Variants in KLF12 observed in about 807,000 individuals in gnomAD.
KLF12 encodes the protein Krueppel-like factor 12.
KLF12 carries 9 observed loss-of-function variants against 37.8 expected under a neutral mutation model. That is an observed-to-expected ratio of 0.24 (90% CI 0.14 to 0.42). The LOEUF is 0.42. Ranked by LOEUF, KLF12 falls within the 10% of genes least tolerant of loss-of-function variation. KLF12 has a pLI of 1.00. For synonymous variants in KLF12, 208 were observed against 202.1 expected, an observed-to-expected ratio of 1.03 and a Z score of -0.25; for missense variants, 411 against 516.0, an observed-to-expected ratio of 0.80 and a Z score of 1.97.
At chr13:73,880,243 C>A (rs1886912611) in intron 3 of KLF12, among the ~76,000 whole-genome samples, 2 of 152,162 alleles carry the variant, frequency 1.3e-5, no homozygotes, top group Non-Finnish European at 2.9e-5. Flanking sequence ...ACTTAGATAT[C>A]CCTGAAACAG....
chr13:73,745,343 G>A (rs1001287392), intron 6 of KLF12, among the ~76,000 whole-genome samples: 13 of 152,188 alleles, frequency 8.5e-5, no homozygotes, highest in Non-Finnish European at 1.8e-4. Context: ...TATGAATGGA[G>A]TTGTGTCAGT....
intron 3 of KLF12, among the ~76,000 whole-genome samples, chr13:73,864,676 G>C (rs1055025147): frequency 6.6e-6 from 1 of 152,182 alleles, no homozygotes; most frequent in Non-Finnish European, 1.5e-5. Context: ...TAGTCTAACT[G>C]CCTGGGTAAA....
At chr13:74,193,171 G>A in the KLF12 span, among the ~76,000 whole-genome samples, 1 of 151,884 alleles carries the variant, frequency 6.6e-6, no homozygotes, top group South Asian at 2.1e-4. Flanking sequence ...TAGAGACAGG[G>A]TTTTTGCCAT....
chr13:73,908,568 C>T (rs1888423432), intron 3 of KLF12, among the ~76,000 whole-genome samples: 1 of 151,250 alleles, frequency 6.6e-6, no homozygotes, highest in Non-Finnish European at 1.5e-5. Flanking sequence ...GCAACCTCCA[C>T]CTCCTGGGTT....
At chr13:73,852,525 T>C (rs1368576602) in intron 3 of KLF12, among the ~76,000 whole-genome samples, 1 of 152,160 alleles carries the variant, frequency 6.6e-6, no homozygotes, top group Non-Finnish European at 1.5e-5. Flanking sequence ...CTCACGCCTG[T>C]AATCCCAACA....
chr13:73,861,853 A>G (rs529822854), intron 3 of KLF12, among the ~76,000 whole-genome samples: 2 of 152,306 alleles, frequency 1.3e-5, no homozygotes, highest in East Asian at 1.9e-4. Flanking sequence ...TTCTTGTGAC[A>G]TCTTAGCATG....
chr13:73,740,884 G>A lies in KLF12; in HGVS notation c.869+24054C>T, dbSNP rs144049496. Among the ~76,000 whole-genome samples, 183 of 152,250 alleles carry A rather than the reference G, an allele frequency of 1.2e-3. 1 individual carries two copies. The highest frequency in any genetic ancestry group is 7.9e-3 in the East Asian group (41 of 5,172). On this transcript the variant is annotated intron_variant, in intron 6 of 7. Transcript: ENST00000377669. Reference sequence around the variant, plus strand: ...TGCAGCAAGAACAGCAGAGCAGTCTGCTCTGGCAGACAGTATCACTTACAG... The same window carrying A: ...TGCAGCAAGAACAGCAGAGCAGTCTACTCTGGCAGACAGTATCACTTACAG...
chr13:73,949,986 T>A (rs1890584656), intron 2 of KLF12, among the ~76,000 whole-genome samples: 1 of 152,222 alleles, frequency 6.6e-6, no homozygotes, highest in Non-Finnish European at 1.5e-5. Flanking sequence ...TACATTCTTC[T>A]GAAATATTTG....
At chr13:74,054,410 G>C (rs1566520728) in intron 1 of KLF12, among the ~76,000 whole-genome samples, 1 of 152,314 alleles carries the variant, frequency 6.6e-6, no homozygotes, top group African/African-American at 2.4e-5. Context: ...ATCCCACGGA[G>C]AGTCAGCTCA....
At chr13:74,002,478 T>A (rs142640250) in intron 1 of KLF12, among the ~76,000 whole-genome samples, 1 of 152,272 alleles carries the variant, frequency 6.6e-6, no homozygotes, top group Non-Finnish European at 1.5e-5. Context: ...CAGACTCAGG[T>A]GATCCTCCTG....
intron 5 of KLF12, among the ~76,000 whole-genome samples, chr13:73,768,636 A>G (rs1234296826): frequency 1.3e-5 from 2 of 152,210 alleles, no homozygotes; most frequent in African/African-American, 4.8e-5. Flanking sequence ...TTCAAGAACA[A>G]GACAGTAATC....
the KLF12 span, among the ~76,000 whole-genome samples, chr13:74,199,776 T>C: frequency 6.6e-6 from 1 of 152,164 alleles, no homozygotes; most frequent in African/African-American, 2.4e-5. Flanking sequence ...GAGAGAGGAT[T>C]TGAAATTTAT....
chr13:74,139,468 C>T, the KLF12 span, among the ~76,000 whole-genome samples: 1 of 152,154 alleles, frequency 6.6e-6, no homozygotes, highest in Non-Finnish European at 1.5e-5. Context: ...CATTTGGGTG[C>T]ACATATTGAA....
chr13:74,222,348 T>C, the KLF12 span, among the ~76,000 whole-genome samples: 3 of 152,244 alleles, frequency 2.0e-5, no homozygotes, highest in African/African-American at 7.2e-5. Flanking sequence ...GATTTTCAGA[T>C]GTTTTGGTAA....
chr13:73,995,158 T>G, intron 1 of KLF12, 105 bp from the exon 2 acceptor site: 2 of 723,486 alleles, frequency 2.8e-6, no homozygotes, highest in Non-Finnish European at 4.7e-6. Flanking sequence ...TTCCTTAAGC[T>G]CGTGATCATA....
At chr13:73,980,007 A>G (rs911035310) in intron 2 of KLF12, among the ~76,000 whole-genome samples, 20 of 152,178 alleles carry the variant, frequency 1.3e-4, no homozygotes, top group Non-Finnish European at 5.9e-5. Flanking sequence ...GGGCCTCAGA[A>G]AAAAATCCAC....
chr13:73,734,218 A>C lies in KLF12; in HGVS notation c.870-18693T>G, dbSNP rs539947238. Among the ~76,000 whole-genome samples the C allele has an allele frequency of 1.3e-3, 199 of 152,128 alleles. 1 individual carries two copies. The highest frequency in any genetic ancestry group is 2.4e-3 in the Non-Finnish European group (162 of 68,028). ...GATGTCACATCTGAAGATGTTCTTC[A>C]GAGAGGACATTCCTAGCACCCAATC... On this transcript the variant is annotated intron_variant, in intron 6 of 7. Transcript: ENST00000377669.
At chr13:74,119,765 G>A (rs1243704593) in intron 1 of KLF12, among the ~76,000 whole-genome samples, 1 of 152,110 alleles carries the variant, frequency 6.6e-6, no homozygotes, top group African/African-American at 2.4e-5. Flanking sequence ...AAAGAGAAGA[G>A]AAGGGAGGGA....
chr13:74,271,556 T>C, the KLF12 span, among the ~76,000 whole-genome samples: 10 of 152,198 alleles, frequency 6.6e-5, no homozygotes, highest in Non-Finnish European at 1.3e-4. Flanking sequence ...TAGTTTCTAC[T>C]CCAAAGGAAA....
Sources: allele counts gnomAD v4.1 joint callset (sites outside exome capture counted in the v4.1 genomes callset), GRCh38; gene constraint gnomAD v4.1.1; transcripts MANE v1.5; gene names NCBI Gene and HGNC (gene_info 2026-07-23, HGNC 2026-07-21).